AGAP1: variants seen among roughly 807,000 people sequenced by gnomAD.
AGAP1 encodes arf-GAP with GTPase, ANK repeat and PH domain-containing protein 1.
A neutral mutation model predicts 105.3 loss-of-function variants in AGAP1; 29 were observed. The observed-to-expected ratio is 0.28, with a 90% CI of 0.21 to 0.38. AGAP1 has a LOEUF of 0.38. AGAP1 is among the 10% of genes least tolerant of loss of function. AGAP1 has a pLI of 1.00. For missense variants in AGAP1, 998 were observed against 1,165.1 expected (o/e 0.86, Z 2.09); for synonymous variants, 509 against 485.9 (o/e 1.05, Z -0.63).
intron 13 of AGAP1, among the ~76,000 whole-genome samples, chr2:236,013,242 G>A (rs1305780345): frequency 6.6e-6 from 1 of 152,164 alleles, no homozygotes; most frequent in East Asian, 1.9e-4. Context: ...CGTATGTTTT[G>A]TGTTGTCTCT....
At chr2:235,539,007 A>G (rs956402319) in intron 1 of AGAP1, among the ~76,000 whole-genome samples, 2 of 152,130 alleles carry the variant, frequency 1.3e-5, no homozygotes, top group South Asian at 2.1e-4. Context: ...AGAGTTTTAT[A>G]TTGTACCTTC....
intron 1 of AGAP1, among the ~76,000 whole-genome samples, chr2:235,629,906 A>T (rs1282706753): frequency 2.0e-5 from 3 of 150,806 alleles, no homozygotes; most frequent in African/African-American, 7.3e-5. Context: ...ATCACCATTG[A>T]TAATGTGGCA....
In AGAP1 at chr2:235,981,559, G is replaced by C. The variant is rs903132822; in HGVS notation, c.1645+12936G>C. Among the ~76,000 whole-genome samples, 1 of 151,992 alleles carries C rather than the reference G, an allele frequency of 6.6e-6. No homozygotes were observed. Among genetic ancestry groups the C allele is most frequent in the Admixed American group, 6.6e-5 (1 of 15,238 alleles). On this transcript the variant is annotated intron_variant, in intron 13 of 17. Coordinates refer to ENST00000304032, the MANE Select transcript of AGAP1 (RefSeq NM_001037131.3). The surrounding 1 kb of genome is among the most constrained non-coding windows in gnomAD (Gnocchi z 5.5). ...CATTTAGTGATGCCTCTTTCAAAGAGGAAATCAATCACGAAACAGAAACTC... is the reference window on the plus strand; with the variant it reads ...CATTTAGTGATGCCTCTTTCAAAGACGAAATCAATCACGAAACAGAAACTC...
chr2:235,785,586 A>G (rs1012619691), intron 6 of AGAP1, among the ~76,000 whole-genome samples: 7 of 151,974 alleles, frequency 4.6e-5, no homozygotes, highest in African/African-American at 1.7e-4. Context: ...ATTTAGCATA[A>G]TCTATTTTTC....
intron 6 of AGAP1, among the ~76,000 whole-genome samples, chr2:235,773,597 A>T (rs558412638): frequency 6.6e-6 from 1 of 152,300 alleles, no homozygotes; most frequent in Admixed American, 6.5e-5. Flanking sequence ...AGTCAGCGTG[A>T]ATCGGCCTTA....
At chr2:235,933,733 A>G (rs1042140524) in intron 12 of AGAP1, among the ~76,000 whole-genome samples, 4 of 151,460 alleles carry the variant, frequency 2.6e-5, no homozygotes, top group Admixed American at 1.3e-4. Context: ...GGGTTTCACC[A>G]TGTTGGCCGG....
At chr2:236,039,914 T>C (rs1457803712) in intron 14 of AGAP1, among the ~76,000 whole-genome samples, 2 of 152,182 alleles carry the variant, frequency 1.3e-5, no homozygotes, top group Non-Finnish European at 2.9e-5. Flanking sequence ...TTTCTAAACT[T>C]GCTTCAATGA....
intron 11 of AGAP1, among the ~76,000 whole-genome samples, chr2:235,917,944 G>A (rs538795400): frequency 1.3e-5 from 2 of 152,300 alleles, no homozygotes; most frequent in East Asian, 1.9e-4. Context: ...AAAAAATAAC[G>A]TGACATCAAA....
intron 10 of AGAP1, among the ~76,000 whole-genome samples, chr2:235,899,483 AG>A (rs1332125675): frequency 6.6e-6 from 1 of 152,258 alleles, no homozygotes. Context: ...ACTGCACTCC[AG>A]CCTGGGCAAC....
chr2:236,122,176 C>A lies in AGAP1; in HGVS notation c.2370+1729C>A, dbSNP rs571498097. On this transcript the variant is annotated intron_variant, in intron 17 of 17. Transcript: ENST00000304032. Reference sequence around the variant, plus strand: ...CCATATTGCCCATGGGTTTTGAACTCCTGCCTTTAAGCAGTCCTCTCACCT... The same window carrying A: ...CCATATTGCCCATGGGTTTTGAACTACTGCCTTTAAGCAGTCCTCTCACCT... Among the ~76,000 whole-genome samples, 9 of 152,246 alleles carry A rather than the reference C, an allele frequency of 5.9e-5. No homozygotes were observed. In the South Asian group the frequency reaches 1.9e-3, roughly 32 times the overall value.
At chr2:235,782,781 A>G (rs1321614907) in intron 6 of AGAP1, among the ~76,000 whole-genome samples, 1 of 152,194 alleles carries the variant, frequency 6.6e-6, no homozygotes. Flanking sequence ...CTCTTTAACT[A>G]TCACCCTTGG....
intron 13 of AGAP1, among the ~76,000 whole-genome samples, chr2:235,995,471 G>A (rs1029252280): frequency 5.3e-5 from 8 of 152,158 alleles, no homozygotes; most frequent in African/African-American, 1.9e-4. Flanking sequence ...CCGAGATAGT[G>A]CCACTGCACT....
At chr2:235,841,743 A>G (rs1960872365) in intron 9 of AGAP1, among the ~76,000 whole-genome samples, 1 of 152,212 alleles carries the variant, frequency 6.6e-6, no homozygotes, top group Non-Finnish European at 1.5e-5. Flanking sequence ...TTATGAATGC[A>G]TTTAATTTTC....
At chr2:235,941,645 A>G (rs2125215831) in intron 12 of AGAP1, among the ~76,000 whole-genome samples, 1 of 152,332 alleles carries the variant, frequency 6.6e-6, no homozygotes, top group African/African-American at 2.4e-5. Flanking sequence ...TCTGTTCATC[A>G]TTCATTCCAT....
chr2:235,706,880 T>G (rs931596611), intron 1 of AGAP1, among the ~76,000 whole-genome samples: 1 of 152,200 alleles, frequency 6.6e-6, no homozygotes, highest in Non-Finnish European at 1.5e-5. Context: ...CCCATTTTTC[T>G]GCAAGAGTAG....
chr2:235,886,261 A>G (rs1004111570), intron 10 of AGAP1, among the ~76,000 whole-genome samples: 4 of 152,256 alleles, frequency 2.6e-5, no homozygotes, highest in African/African-American at 9.6e-5. Context: ...TCAAAATATC[A>G]TTCTTGGTAA....
intron 13 of AGAP1, among the ~76,000 whole-genome samples, chr2:236,024,735 G>A (rs934134358): frequency 6.6e-6 from 1 of 152,220 alleles, no homozygotes; most frequent in Admixed American, 6.5e-5. Flanking sequence ...TTGCCCCTAA[G>A]GAGGCAAAAT....
chr2:236,048,975 A>AT, intron 15 of AGAP1, 84 bp from the exon 16 acceptor site: 3 of 1,318,078 alleles, frequency 2.3e-6, no homozygotes, highest in African/African-American at 1.5e-5. Flanking sequence ...AGTTTGACTG[A>AT]TTCGTCGCCT....
At chr2:235,742,398 T>G (rs756797812) in intron 4 of AGAP1, among the ~76,000 whole-genome samples, 1 of 152,182 alleles carries the variant, frequency 6.6e-6, no homozygotes, top group Non-Finnish European at 1.5e-5. Flanking sequence ...ATTAGGTGCA[T>G]TCTGATTTCA....
Sources: gnomAD v4.1 joint callset for allele counts (sites outside exome capture counted in the v4.1 genomes callset) on GRCh38, gnomAD v4.1.1 for gene constraint, Gnocchi (gnomAD v3.1) non-coding constraint, MANE v1.5 for transcripts, NCBI Gene and HGNC (gene_info 2026-07-23, HGNC 2026-07-21) for gene names.